The following SORCS2 variants were observed in gnomAD, a reference collection of about 807,000 sequenced individuals.
The protein encoded by SORCS2 is VPS10 domain-containing receptor SorCS2.
SORCS2 carries 100 observed loss-of-function variants against 141.6 expected under a neutral mutation model. The ratio of observed to expected loss-of-function variants is 0.71; its 90% CI spans 0.60 to 0.83. The LOEUF is 0.83. SORCS2 is among the 40% of genes least tolerant of loss of function. SORCS2 has a pLI of 0.00. For missense variants in SORCS2, 1,646 were observed against 1,560.2 expected (o/e 1.05, Z -0.93); for synonymous variants, 789 against 676.9 (o/e 1.17, Z -2.57).
At chr4:7,588,656 G>A (rs762759769) in intron 3 of SORCS2, among the ~76,000 whole-genome samples, 12 of 152,116 alleles carry the variant, frequency 7.9e-5, no homozygotes, top group Non-Finnish European at 1.2e-4. Flanking sequence ...TTGTAAAGGC[G>A]TTTTGTATCC....
chr4:7,581,793 A>T (rs1716175186), intron 3 of SORCS2, among the ~76,000 whole-genome samples: 1 of 152,198 alleles, frequency 6.6e-6, no homozygotes, highest in African/African-American at 2.4e-5. Flanking sequence ...TCTGGATGCT[A>T]GGCCCTAGCT....
intron 26 of SORCS2, among the ~76,000 whole-genome samples, chr4:7,738,562 G>T (rs534665100): frequency 1.3e-5 from 2 of 152,170 alleles, no homozygotes; most frequent in Non-Finnish European, 2.9e-5. Flanking sequence ...TTGCTGCGGG[G>T]TTCTGCGGTA....
At chr4:7,327,722 T>C (rs929998897) in intron 1 of SORCS2, among the ~76,000 whole-genome samples, 1 of 152,226 alleles carries the variant, frequency 6.6e-6, no homozygotes, top group African/African-American at 2.4e-5. Flanking sequence ...TTTGGTGTCC[T>C]TCGAGGCCCA....
chr4:7,690,101 T>TGATACATGATG (rs1724129634), intron 11 of SORCS2, among the ~76,000 whole-genome samples: 1 of 141,406 alleles, frequency 7.1e-6, no homozygotes, highest in Non-Finnish European at 1.5e-5. Context: ...AATGGATGGA[T>TGATACATGATG]GATACATGAT....
intron 3 of SORCS2, among the ~76,000 whole-genome samples, chr4:7,538,193 G>A (rs967065032): frequency 1.3e-5 from 2 of 152,320 alleles, no homozygotes; most frequent in South Asian, 2.1e-4. Context: ...ATTACAGGCC[G>A]AGCAGCACTT....
At chr4:7,194,870 C>T (rs1030114963) in intron 1 of SORCS2, among the ~76,000 whole-genome samples, 7 of 152,216 alleles carry the variant, frequency 4.6e-5, no homozygotes, top group East Asian at 1.9e-4. Flanking sequence ...CCCCATCTGC[C>T]GAGGTGGTTG....
At chr4:7,640,381 AGTGTGTGG>A (rs1301685469) in intron 4 of SORCS2, among the ~76,000 whole-genome samples, 2 of 119,530 alleles carry the variant, frequency 1.7e-5, no homozygotes, top group Non-Finnish European at 3.6e-5. Flanking sequence ...AATGTACATG[AGTGTGTGG>A]GTGTGTGAGT....
rs13442 is a variant in SORCS2 at position 7,741,556 on chromosome 4, T to G, written c.*1292T>G. 0.4 allele frequency: 114,399 copies of G among 288,228 alleles called. 23,216 individuals carry two copies. The highest frequency in any genetic ancestry group is 0.47 in the Admixed American group (9,099 of 19,188). The allele number at this position is 288,228 out of a possible 1,614,324, so 17.9% of individuals were successfully genotyped here. ...GGATCTCAGATGACCGTGGCCTCCC[T>G]CTCAGAGGGGGAGAACGCCAGAGCC... is the stretch of plus-strand genomic sequence containing the variant. On this transcript the variant is annotated 3_prime_UTR_variant, in exon 27 of 27. Transcript: ENST00000507866.
At chr4:7,362,074 A>T (rs1721615594) in intron 1 of SORCS2, among the ~76,000 whole-genome samples, 1 of 152,126 alleles carries the variant, frequency 6.6e-6, no homozygotes, top group African/African-American at 2.4e-5. Context: ...TGCCTCTGGG[A>T]TGGGCTCTGT....
At chr4:7,662,529 A>C (rs1032419027) in intron 6 of SORCS2, among the ~76,000 whole-genome samples, 6 of 152,194 alleles carry the variant, frequency 3.9e-5, no homozygotes, top group Non-Finnish European at 8.8e-5. Context: ...CTGTGTCCCC[A>C]GTAAGGCTGC....
At chr4:7,447,847 C>G (rs746507166) in intron 2 of SORCS2, among the ~76,000 whole-genome samples, 25 of 152,170 alleles carry the variant, frequency 1.6e-4, no homozygotes, top group Non-Finnish European at 3.4e-4. Flanking sequence ...TCTGCATGTG[C>G]GTTTTGGGTT....
At chr4:7,520,386 G>A (rs1733249240) in intron 2 of SORCS2, among the ~76,000 whole-genome samples, 1 of 152,198 alleles carries the variant, frequency 6.6e-6, no homozygotes, top group Non-Finnish European at 1.5e-5. Context: ...CTGGTTTTCC[G>A]TGGGTCAGGT....
chr4:7,695,940 GTGGATGGATGGA>G (rs779120222), intron 11 of SORCS2, among the ~76,000 whole-genome samples: 1 of 88,524 alleles, frequency 1.1e-5, no homozygotes, highest in Non-Finnish European at 2.4e-5. Context: ...GGGTGGGTGG[GTGGATGGATGGA>G]TGGATGGATG....
At chr4:7,230,990 A>G (rs1050021513) in intron 1 of SORCS2, among the ~76,000 whole-genome samples, 5 of 146,768 alleles carry the variant, frequency 3.4e-5, no homozygotes, top group Non-Finnish European at 6.1e-5. Flanking sequence ...CTAGATCTCT[A>G]TCTGTATCTA....
chr4:7,667,321 T>C, intron 8 of SORCS2, 108 bp downstream of exon 8: 1 of 1,021,016 alleles, frequency 9.8e-7, no homozygotes, highest in Non-Finnish European at 1.5e-6. Flanking sequence ...CAGGTCAGGA[T>C]GGACAAGAAC....
intron 1 of SORCS2, among the ~76,000 whole-genome samples, chr4:7,355,191 C>T (rs1721173333): frequency 6.6e-6 from 1 of 152,114 alleles, no homozygotes. Flanking sequence ...CGAGCTGGAG[C>T]CCAGGCACCA....
chr4:7,319,020 C>T (rs994746859), intron 1 of SORCS2, among the ~76,000 whole-genome samples: 1 of 152,150 alleles, frequency 6.6e-6, no homozygotes, highest in Admixed American at 6.5e-5. Context: ...TTCCACTTAG[C>T]ATAATGCATT....
intron 3 of SORCS2, among the ~76,000 whole-genome samples, chr4:7,545,474 A>G (rs958613683): frequency 1.3e-5 from 2 of 151,966 alleles, no homozygotes; most frequent in Non-Finnish European, 2.9e-5. Context: ...TGGCAGGGGG[A>G]CCTAAGAGAG....
intron 11 of SORCS2, among the ~76,000 whole-genome samples, chr4:7,690,379 T>C (rs1263357316): frequency 2.0e-5 from 3 of 148,854 alleles, no homozygotes; most frequent in African/African-American, 7.5e-5. Context: ...GGATGGATGA[T>C]GAATGATGGA....
Sources: gnomAD v4.1 joint callset for allele counts (sites outside exome capture counted in the v4.1 genomes callset) on GRCh38, gnomAD v4.1.1 for gene constraint, MANE v1.5 for transcripts, NCBI Gene and HGNC (gene_info 2026-07-23, HGNC 2026-07-21) for gene names.